The following SHISA9 variants were observed in gnomAD, a reference collection of about 807,000 sequenced individuals.
SHISA9 encodes the protein protein shisa-9.
A neutral mutation model predicts 38.0 loss-of-function variants in SHISA9; 13 were observed. That is an observed-to-expected ratio of 0.34 (90% CI 0.22 to 0.54). SHISA9 has a LOEUF of 0.54. Ranked by LOEUF, SHISA9 falls within the 20% of genes least tolerant of loss-of-function variation. The pLI, the probability that SHISA9 is intolerant of heterozygous loss-of-function variation, is 0.91. For missense variants in SHISA9, 538 were observed against 575.8 expected, an observed-to-expected ratio of 0.93 and a Z score of 0.67; for synonymous variants, 275 against 242.0, an observed-to-expected ratio of 1.14 and a Z score of -1.27.
chr16:13,477,571 A>C, the SHISA9 span, among the ~76,000 whole-genome samples: 6 of 152,186 alleles, frequency 3.9e-5, no homozygotes, highest in African/African-American at 9.6e-5. Context: ...AGTCATTTCA[A>C]AGCCTCTTTG....
chr16:13,124,318 C>A (rs1237801497), intron 2 of SHISA9, among the ~76,000 whole-genome samples: 1 of 152,168 alleles, frequency 6.6e-6, no homozygotes, highest in Non-Finnish European at 1.5e-5. Context: ...CTTTCTGAAA[C>A]TGAGAGGAAA....
intron 2 of SHISA9, among the ~76,000 whole-genome samples, chr16:13,170,086 C>T (rs554422893): frequency 6.6e-6 from 1 of 151,654 alleles, no homozygotes; most frequent in South Asian, 2.1e-4. Context: ...GCCTGTAATC[C>T]CAGCTATTCA....
chr16:13,090,063 A>G (rs2073757528), intron 2 of SHISA9, among the ~76,000 whole-genome samples: 1 of 152,148 alleles, frequency 6.6e-6, no homozygotes, highest in African/African-American at 2.4e-5. Context: ...TTATTTACCC[A>G]GTAGTCATTC....
At chr16:13,123,549 A>C (rs1444394619) in intron 2 of SHISA9, among the ~76,000 whole-genome samples, 1 of 152,268 alleles carries the variant, frequency 6.6e-6, no homozygotes, top group African/African-American at 2.4e-5. Flanking sequence ...ACTGAATGGC[A>C]CAGATAAGGT....
chr16:13,375,471 C>G, the SHISA9 span, among the ~76,000 whole-genome samples: 1 of 152,194 alleles, frequency 6.6e-6, no homozygotes, highest in East Asian at 1.9e-4. Flanking sequence ...TGTCAAAGAT[C>G]AGGTGGTTGT....
intron 2 of SHISA9, among the ~76,000 whole-genome samples, chr16:13,137,461 AT>A (rs576067141): frequency 3.0e-3 from 436 of 144,552 alleles, no homozygotes; most frequent in African/African-American, 4.4e-3. Context: ...TAATCTTTTT[AT>A]TTTTTTTTTT....
the SHISA9 span, among the ~76,000 whole-genome samples, chr16:13,293,206 CAATT>C: frequency 2.0e-5 from 3 of 152,076 alleles, no homozygotes; most frequent in South Asian, 6.2e-4. Context: ...TGTTTTGAAA[CAATT>C]TATTTGTTTA....
the SHISA9 span, among the ~76,000 whole-genome samples, chr16:13,393,814 A>G: frequency 6.6e-6 from 1 of 152,144 alleles, no homozygotes; most frequent in Non-Finnish European, 1.5e-5. Context: ...TCATACTGGC[A>G]TGGTGTTTTG....
chr16:13,284,281 G>A, the SHISA9 span, among the ~76,000 whole-genome samples: 7 of 152,056 alleles, frequency 4.6e-5, no homozygotes, highest in East Asian at 3.9e-4. Context: ...GTTTTCCACC[G>A]TCTGAAAAAC....
intron 4 of SHISA9, among the ~76,000 whole-genome samples, chr16:13,225,781 G>GC (rs1242306392): frequency 1.3e-5 from 2 of 152,146 alleles, no homozygotes; most frequent in Non-Finnish European, 2.9e-5. Flanking sequence ...GCTCCATCCC[G>GC]CCCCGCACCT....
the SHISA9 span, among the ~76,000 whole-genome samples, chr16:13,435,423 A>G: frequency 6.6e-6 from 1 of 152,238 alleles, no homozygotes; most frequent in Non-Finnish European, 1.5e-5. Flanking sequence ...ACAAGAAAGG[A>G]CAGAAAGCTG....
At chr16:13,293,293 A>G in the SHISA9 span, among the ~76,000 whole-genome samples, 1 of 152,082 alleles carries the variant, frequency 6.6e-6, no homozygotes. Flanking sequence ...AAATGAGAAG[A>G]CCACGTTGGT....
chr16:13,193,810 T>C (rs1260705876), intron 2 of SHISA9, among the ~76,000 whole-genome samples: 2 of 152,188 alleles, frequency 1.3e-5, no homozygotes, highest in African/African-American at 4.8e-5. Context: ...CCCCAGCTCT[T>C]GGGGTATCTG....
chr16:13,345,634 G>A, the SHISA9 span, among the ~76,000 whole-genome samples: 1 of 152,098 alleles, frequency 6.6e-6, no homozygotes, highest in African/African-American at 2.4e-5. Flanking sequence ...GTCTTGCTGG[G>A]TCGAATAGTA....
chr16:13,216,311 C>G (rs377027), intron 4 of SHISA9, among the ~76,000 whole-genome samples: 71,708 of 151,994 alleles, frequency 0.47, 17,711 homozygotes, highest in East Asian at 0.75. Context: ...CTCTGATCCC[C>G]TATTTTCTGA....
chr16:13,508,075 C>G, the SHISA9 span, among the ~76,000 whole-genome samples: 1 of 152,100 alleles, frequency 6.6e-6, no homozygotes, highest in Non-Finnish European at 1.5e-5. Flanking sequence ...CTCTCTCTTT[C>G]TCTTGGTCTC....
intron 2 of SHISA9, among the ~76,000 whole-genome samples, chr16:13,170,323 A>T (rs1176521688): frequency 2.0e-5 from 3 of 152,152 alleles, no homozygotes; most frequent in African/African-American, 7.2e-5. Context: ...AGTGCCTGAG[A>T]TACAATGGTG....
chr16:12,934,093 G>T (rs2071496987), intron 2 of SHISA9, among the ~76,000 whole-genome samples: 1 of 152,170 alleles, frequency 6.6e-6, no homozygotes, highest in Non-Finnish European at 1.5e-5. Flanking sequence ...CCCTGAGACA[G>T]GAAAGAAATT....
At chr16:13,143,028 C>T (rs535471451) in intron 2 of SHISA9, among the ~76,000 whole-genome samples, 1 of 45,876 alleles carries the variant, frequency 2.2e-5, no homozygotes, top group African/African-American at 1.5e-4. Context: ...TATTTTAAGA[C>T]AGAGTTTTGC....
Sources: allele counts gnomAD v4.1 joint callset (sites outside exome capture counted in the v4.1 genomes callset), GRCh38; gene constraint gnomAD v4.1.1; transcripts MANE v1.5; gene names NCBI Gene and HGNC (gene_info 2026-07-23, HGNC 2026-07-21).